THSD7A: variants seen among roughly 807,000 people sequenced by gnomAD.
The protein encoded by THSD7A is thrombospondin type-1 domain-containing protein 7A.
Under a neutral mutation model 231.3 loss-of-function variants are expected in THSD7A, and 96 were observed. The observed-to-expected ratio is 0.41, with a 90% confidence interval of 0.35 to 0.49. The LOEUF (loss-of-function observed/expected upper bound fraction) is 0.49, where lower values mean the gene tolerates loss of function less well. Among genes scored for constraint, THSD7A ranks in the 20% least tolerant of loss-of-function variants. The probability of loss-of-function intolerance (pLI) is 0.05; values close to 1 mark genes in which losing one functional copy is unlikely to be tolerated. For missense variants in THSD7A, 2,290 were observed against 2,070.2 expected, an observed-to-expected ratio of 1.11 and a Z score of -2.06; for synonymous variants, 940 against 743.3, an observed-to-expected ratio of 1.26 and a Z score of -4.30.
intron 4 of THSD7A, among the ~76,000 whole-genome samples, chr7:11,568,037 A>G (rs889343874): frequency 6.6e-6 from 1 of 152,180 alleles, no homozygotes; most frequent in Non-Finnish European, 1.5e-5. Context: ...CTAATCTACT[A>G]TAGTCACTCA....
At chr7:11,813,616 G>A (rs1784592919) in intron 1 of THSD7A, among the ~76,000 whole-genome samples, 1 of 151,934 alleles carries the variant, frequency 6.6e-6, no homozygotes, top group Non-Finnish European at 1.5e-5. Context: ...GGGAAGCTGA[G>A]GCAGGGGAAT....
At chr7:11,718,359 T>C (rs1264165624) in intron 1 of THSD7A, among the ~76,000 whole-genome samples, 1 of 151,690 alleles carries the variant, frequency 6.6e-6, no homozygotes, top group African/African-American at 2.4e-5. Flanking sequence ...GTTTGATCTA[T>C]GGTTATTTCA....
intron 6 of THSD7A, among the ~76,000 whole-genome samples, chr7:11,536,188 C>G (rs1788908319): frequency 1.3e-5 from 2 of 152,146 alleles, no homozygotes; most frequent in Admixed American, 1.3e-4. Context: ...CAGGAACCTC[C>G]TAAGTGGCAG....
rs1368514543 is a variant in THSD7A, at chr7:11,375,886, A to C, written c.4890-8T>G. On this transcript the variant is annotated splice_polypyrimidine_tract_variant and splice_region_variant and intron_variant, in intron 27 of 27. Transcript: ENST00000423059. ...GGTTTCTTTGGCTTTTTGCTGTAAA[A>C]AAATTCGGAATTAGGAGAAAGAAAA... The C allele has an allele frequency of 6.2e-7, 1 of 1,612,184 alleles. No homozygotes were observed. The highest frequency in any genetic ancestry group is 1.7e-5 in the Admixed American group (1 of 59,882).
chr7:11,495,183 A>G (rs927046143), intron 6 of THSD7A, among the ~76,000 whole-genome samples: 22 of 152,228 alleles, frequency 1.4e-4, no homozygotes, highest in African/African-American at 5.3e-4. Context: ...TAGCTTACAA[A>G]TCATTGCTCA....
At chr7:11,751,954 C>G (rs554874042) in intron 1 of THSD7A, among the ~76,000 whole-genome samples, 11 of 152,236 alleles carry the variant, frequency 7.2e-5, no homozygotes, top group African/African-American at 2.4e-4. Flanking sequence ...CAGCTTATAG[C>G]TGCAGCGAAC....
Position 11,765,701 on chromosome 7 carries a change from G to T in THSD7A, c.190+66056C>A, listed in dbSNP as rs10230642. Among the ~76,000 whole-genome samples the T allele has an allele frequency of 6.4e-3, 967 of 152,104 alleles. 11 individuals carry two copies. Among genetic ancestry groups the T allele is most frequent in the African/African-American group, 0.022 (925 of 41,486 alleles). Reference sequence around the variant, plus strand: ...CTTGGATTTCCTGGGAAACAAGCTGGTTCCCTTGAGTAGTTTCATGTAAGT... The same window carrying T: ...CTTGGATTTCCTGGGAAACAAGCTGTTTCCCTTGAGTAGTTTCATGTAAGT... On this transcript the variant is annotated intron_variant, in intron 1 of 27. Transcript: ENST00000423059.
chr7:11,828,726 T>C (rs10258195), intron 1 of THSD7A, among the ~76,000 whole-genome samples: 9,132 of 152,092 alleles, frequency 0.06, 905 homozygotes, highest in African/African-American at 0.21. Context: ...AGCACATAGA[T>C]AGATAGATAG....
At chr7:11,485,524 C>CT (rs1786619503) in intron 6 of THSD7A, among the ~76,000 whole-genome samples, 5 of 152,158 alleles carry the variant, frequency 3.3e-5, no homozygotes, top group Admixed American at 3.3e-4. Context: ...CTCACAATAA[C>CT]CTTTTGACAT....
intron 24 of THSD7A, 115 bp downstream of exon 24, chr7:11,382,406 C>CA: frequency 1.2e-6 from 1 of 848,922 alleles, no homozygotes; most frequent in Non-Finnish European, 1.9e-6. Context: ...TCCTGAATCC[C>CA]AAACAGGCTT....
intron 1 of THSD7A, among the ~76,000 whole-genome samples, chr7:11,771,967 G>T (rs116133507): frequency 6.6e-6 from 1 of 152,152 alleles, no homozygotes; most frequent in Non-Finnish European, 1.5e-5. Context: ...CTTCCGCCAT[G>T]GTTGAAAGTT....
chr7:11,407,648 T>C (rs1583684182), intron 19 of THSD7A, among the ~76,000 whole-genome samples: 1 of 152,336 alleles, frequency 6.6e-6, no homozygotes, highest in East Asian at 1.9e-4. Context: ...ATTGAATCTA[T>C]ACTTATGTAT....
chr7:11,758,223 G>A (rs1468098273), intron 1 of THSD7A, among the ~76,000 whole-genome samples: 1 of 151,802 alleles, frequency 6.6e-6, no homozygotes, highest in African/African-American at 2.4e-5. Flanking sequence ...CTATCTTGAG[G>A]GAAGAAGTGT....
chr7:11,776,684 A>G (rs1012470573), intron 1 of THSD7A, among the ~76,000 whole-genome samples: 3 of 152,222 alleles, frequency 2.0e-5, no homozygotes, highest in African/African-American at 7.2e-5. Context: ...TAAGCTTCTG[A>G]AAATATAGAC....
chr7:11,524,568 AGGTC>A (rs1350093689), intron 6 of THSD7A, among the ~76,000 whole-genome samples: 6 of 152,144 alleles, frequency 3.9e-5, no homozygotes, highest in Non-Finnish European at 7.4e-5. Flanking sequence ...GTAGGTAGAG[AGGTC>A]ATTTAGCTGT....
rs1185825625 is a variant in THSD7A at position 11,372,589 on chromosome 7, C to T, written c.*3205G>A. 1 of 152,036 alleles carries T rather than the reference C, an allele frequency of 6.6e-6. No individual in the cohort carries two copies. Among genetic ancestry groups the T allele is most frequent in the East Asian group, 1.9e-4 (1 of 5,182 alleles). 9.4% of individuals were successfully genotyped at this position (152,036 alleles called of 1,614,324 possible). A position where few individuals can be genotyped will look rare whatever the true frequency, so the allele number is the denominator to read the frequency against. ...TCAAAAGAGATCAGTTAGTCCTATT[C>T]TACGTGGTTTCTAGTGAAATAGTCC... On this transcript the variant is annotated 3_prime_UTR_variant, in exon 28 of 28. Coordinates refer to ENST00000423059, the MANE Select transcript of THSD7A (RefSeq NM_015204.3).
intron 1 of THSD7A, among the ~76,000 whole-genome samples, chr7:11,640,020 T>A (rs1259320080): frequency 6.6e-6 from 1 of 152,214 alleles, no homozygotes; most frequent in Admixed American, 6.5e-5. Context: ...TGATTCATCA[T>A]TTACTGACAT....
At chr7:11,388,518 C>T (rs776355933) in intron 23 of THSD7A, among the ~76,000 whole-genome samples, 9 of 152,014 alleles carry the variant, frequency 5.9e-5, no homozygotes, top group Admixed American at 3.9e-4. Flanking sequence ...TTTGAATTTC[C>T]GTGGGATCAC....
chr7:11,600,001 G>A (rs968679408), intron 2 of THSD7A, among the ~76,000 whole-genome samples: 11 of 151,824 alleles, frequency 7.2e-5, no homozygotes, highest in Non-Finnish European at 1.6e-4. Context: ...TCCTACCCTC[G>A]AACATCAGAC....
Sources: gnomAD v4.1 joint callset for allele counts (sites outside exome capture counted in the v4.1 genomes callset) on GRCh38, gnomAD v4.1.1 for gene constraint, MANE v1.5 for transcripts, NCBI Gene and HGNC (gene_info 2026-07-23, HGNC 2026-07-21) for gene names.